KATNBL1: variants seen among roughly 807,000 people sequenced by gnomAD.
The protein encoded by KATNBL1 is KATNB1-like protein 1.
KATNBL1 carries 28 observed loss-of-function variants against 44.7 expected under a neutral mutation model. The observed-to-expected ratio is 0.63, with a 90% CI of 0.46 to 0.86. The LOEUF is 0.86. Ranked by LOEUF, KATNBL1 falls within the 40% of genes least tolerant of loss-of-function variation. The pLI is 0.00. For missense variants in KATNBL1, 272 were observed against 350.7 expected, an observed-to-expected ratio of 0.78 and a Z score of 1.79; for synonymous variants, 78 against 114.9, an observed-to-expected ratio of 0.68 and a Z score of 2.06.
chr15:34,150,946 T>C (rs1888450341), intron 4 of KATNBL1, among the ~76,000 whole-genome samples: 1 of 152,192 alleles, frequency 6.6e-6, no homozygotes, highest in African/African-American at 2.4e-5. Flanking sequence ...ATCTTGTTCT[T>C]TTTATGGCTG....
At position 34,154,063 on chromosome 15, in the gene KATNBL1, T is replaced by G. The variant is rs558093864; in HGVS notation, c.158+581A>C. Among the ~76,000 whole-genome samples the G allele has an allele frequency of 7.9e-5, 12 of 152,356 alleles. No homozygotes were observed. In the South Asian group the frequency reaches 2.1e-3, roughly 26 times the overall value. On this transcript the variant is annotated intron_variant, in intron 3 of 9. Transcript: ENST00000256544. ...GTTTTACATTTTTATATATCTCTAA[T>G]ATCTGGTTTAACAAAAGACAGCTGG...
At chr15:34,176,048 G>T (rs1290068780) in intron 1 of KATNBL1, among the ~76,000 whole-genome samples, 1 of 152,130 alleles carries the variant, frequency 6.6e-6, no homozygotes, top group East Asian at 1.9e-4. Context: ...ACGAAATGTG[G>T]TGTATCTGTA....
chr15:34,147,550 A>G (rs1888347051), intron 5 of KATNBL1, 120 bp from the exon 6 acceptor site: 1 of 565,068 alleles, frequency 1.8e-6, no homozygotes, highest in Non-Finnish European at 3.0e-6. Flanking sequence ...AGTATCTACA[A>G]TGAGTCATGT....
chr15:34,203,551 A>AT (rs1200177538), intron 1 of KATNBL1, among the ~76,000 whole-genome samples: 5 of 152,146 alleles, frequency 3.3e-5, no homozygotes, highest in Admixed American at 3.3e-4. Flanking sequence ...AGTACCCTGT[A>AT]TTTTTCCCCC....
At chr15:34,175,113 AAC>A (rs71119940) in intron 1 of KATNBL1, among the ~76,000 whole-genome samples, 17,760 of 143,500 alleles carry the variant, frequency 0.12, 1,210 homozygotes, top group African/African-American at 0.2. Flanking sequence ...TAAAATAAGC[AAC>A]ACACACACAC....
chr15:34,154,678 T>C lies in KATNBL1; in HGVS notation c.124A>G (p.Lys42Glu), dbSNP rs1430047689. ...TAAGCAGCCAACTGTTTTGGAGATT[T>C]CTTAACCTGAAAAATGAAAGTAGAT... is the stretch of plus-strand genomic sequence containing the variant. ...FTNKNMKEVKKSPKQLAAYIN... is the reference protein window; with the variant it reads ...FTNKNMKEVKESPKQLAAYIN... Residue 42 changes from lysine (K) to glutamate (E), a missense_variant, in exon 3 of 10, where the codon AAA (lysine) becomes GAA (glutamate). Lys to Glu is a moderately conservative substitution (Grantham distance 56). Coordinates refer to ENST00000256544, the MANE Select transcript of KATNBL1 (RefSeq NM_024713.3). 1.3e-6 allele frequency: 2 copies of C among 1,581,348 alleles called. No individual in the cohort carries two copies. The highest frequency in any genetic ancestry group is 1.3e-5 in the African/African-American group (1 of 74,342).
At chr15:34,193,237 A>C (rs1283880634) in intron 1 of KATNBL1, among the ~76,000 whole-genome samples, 3 of 109,292 alleles carry the variant, frequency 2.7e-5, no homozygotes, top group Non-Finnish European at 4.0e-5. Context: ...AAAAAAAAAC[A>C]AAAAAAAAAC....
At chr15:34,145,106 G>T in intron 9 of KATNBL1, 1 of 1,095,418 alleles carries the variant, frequency 9.1e-7, no homozygotes, top group Non-Finnish European at 1.1e-6. Flanking sequence ...GTCCTTATTG[G>T]ATTCTCAAAA....
In KATNBL1 at chr15:34,145,428, C is replaced by T; in HGVS notation, c.852G>A (p.Leu284=). Residue 284 remains leucine (L), a synonymous_variant, in exon 9 of 10, where the codon TTG becomes TTA. Coordinates refer to ENST00000256544, the MANE Select transcript of KATNBL1 (RefSeq NM_024713.3). ...GLWEQENHLT[L]VPGYTGNIAK... is the part of the protein sequence containing the mutation. ...CTATATTACCAGTATATCCTGGAAC[C>T]AAAGTAAGATGGTTTTCCTGTTCCC... is the stretch of plus-strand genomic sequence containing the variant. 2 of 1,469,096 alleles carry T rather than the reference C, an allele frequency of 1.4e-6. No individual in the cohort carries two copies. The highest frequency in any genetic ancestry group is 9.0e-7 in the Non-Finnish European group (1 of 1,115,364). 91.0% of individuals were successfully genotyped at this position (1,469,096 alleles called of 1,614,324 possible). A position where few individuals can be genotyped will look rare whatever the true frequency, so the allele number is the denominator to read the frequency against.
intron 2 of KATNBL1, among the ~76,000 whole-genome samples, chr15:34,155,201 AG>A (rs1888603239): frequency 6.6e-6 from 1 of 152,226 alleles, no homozygotes; most frequent in Non-Finnish European, 1.5e-5. Context: ...TGGTTCCCAG[AG>A]GAACTCAGAA....
intron 1 of KATNBL1, among the ~76,000 whole-genome samples, chr15:34,189,301 G>A (rs1202535073): frequency 2.0e-5 from 3 of 152,238 alleles, no homozygotes; most frequent in African/African-American, 4.8e-5. Context: ...TGGGATTACA[G>A]GCGTGAGCCA....
chr15:34,163,903 T>G (rs992164128), intron 1 of KATNBL1, among the ~76,000 whole-genome samples: 2 of 152,130 alleles, frequency 1.3e-5, no homozygotes, highest in Non-Finnish European at 2.9e-5. Flanking sequence ...ATTCTTTTTT[T>G]TTTTTTTGAG....
At chr15:34,189,368 G>T (rs1446596780) in intron 1 of KATNBL1, among the ~76,000 whole-genome samples, 4 of 152,214 alleles carry the variant, frequency 2.6e-5, no homozygotes, top group South Asian at 4.1e-4. Flanking sequence ...ATAATCCAAA[G>T]AAAGTTAAAC....
chr15:34,158,258 G>C (rs531221410), intron 2 of KATNBL1, among the ~76,000 whole-genome samples: 1 of 152,292 alleles, frequency 6.6e-6, no homozygotes, highest in East Asian at 1.9e-4. Context: ...GCAGATGAGA[G>C]AGGTCTCTCA....
chr15:34,151,275 C>T (rs985048199), intron 4 of KATNBL1, among the ~76,000 whole-genome samples: 19 of 151,988 alleles, frequency 1.3e-4, no homozygotes, highest in African/African-American at 3.9e-4. Flanking sequence ...TAATAATAGC[C>T]ATTCTAACTG....
At chr15:34,180,185 T>C (rs551462383) in intron 1 of KATNBL1, among the ~76,000 whole-genome samples, 1 of 152,318 alleles carries the variant, frequency 6.6e-6, no homozygotes, top group South Asian at 2.1e-4. Flanking sequence ...TTCCCTTTCC[T>C]GCCAAATTTC....
chr15:34,174,596 T>C (rs964016491), intron 1 of KATNBL1, among the ~76,000 whole-genome samples: 3 of 152,006 alleles, frequency 2.0e-5, no homozygotes, highest in African/African-American at 2.4e-5. Context: ...AGAAACTCAC[T>C]TCAAAAATAA....
chr15:34,195,311 T>C (rs1889998976), intron 1 of KATNBL1, among the ~76,000 whole-genome samples: 1 of 152,204 alleles, frequency 6.6e-6, no homozygotes. Context: ...TAGATGGAAC[T>C]GGAGGCCATT....
chr15:34,154,435 G>C (rs1447040177), intron 3 of KATNBL1, among the ~76,000 whole-genome samples: 1 of 152,176 alleles, frequency 6.6e-6, no homozygotes, highest in East Asian at 1.9e-4. Flanking sequence ...TAGGGTTAAT[G>C]TTATCTATAG....
Sources: allele counts gnomAD v4.1 joint callset (sites outside exome capture counted in the v4.1 genomes callset), GRCh38; gene constraint gnomAD v4.1.1; transcripts MANE v1.5; gene names NCBI Gene and HGNC (gene_info 2026-07-23, HGNC 2026-07-21).